Variants in TYMS observed in about 807,000 individuals in gnomAD.
The protein encoded by TYMS is thymidylate synthetase.
Under a neutral mutation model 39.3 loss-of-function variants are expected in TYMS, and 21 were observed. The ratio of observed to expected loss-of-function variants is 0.54; its 90% CI spans 0.38 to 0.77. The LOEUF (loss-of-function observed/expected upper bound fraction) is 0.77, where lower values mean the gene tolerates loss of function less well. Among genes scored for constraint, TYMS ranks in the 30% least tolerant of loss-of-function variants. The probability of loss-of-function intolerance (pLI) is 0.00; values close to 1 mark genes in which losing one functional copy is unlikely to be tolerated. For synonymous variants in TYMS, 171 were observed against 162.2 expected, an observed-to-expected ratio of 1.05 and a Z score of -0.41; for missense variants, 273 against 406.7, an observed-to-expected ratio of 0.67 and a Z score of 2.83.
intron 3 of TYMS, among the ~76,000 whole-genome samples, chr18:663,874 A>G (rs1432296568): frequency 1.8e-5 from 2 of 110,374 alleles, no homozygotes; most frequent in African/African-American, 4.9e-5. Flanking sequence ...CCATTGATCT[A>G]TATGTCTGTT....
chr18:660,243 A>G lies in TYMS; in HGVS notation c.279+529A>G, dbSNP rs2074743282. 6.6e-6 allele frequency among the ~76,000 whole-genome samples: 1 copy of G among 152,068 alleles called. No homozygotes were observed. The highest frequency in any genetic ancestry group is 6.6e-5 in the Admixed American group (1 of 15,266). ...GCTGTTCTTGTGAGTTTTTGAGCAC[A>G]CCGGGACATCCCCACTCCCTGGAAC... On this transcript the variant is annotated intron_variant, in intron 2 of 6. Coordinates refer to ENST00000323274, the MANE Select transcript of TYMS (RefSeq NM_001071.4). The surrounding 1 kb of genome is among the most constrained non-coding windows in gnomAD (Gnocchi z 4.6).
rs1212083746 is a variant in TYMS at position 667,107 on chromosome 18, AGATGGT to A, written c.455-1947_455-1942del. ...GTGATGGTGATGGAGATGGAGATGG[AGATGGT>A]GATGGTGATGGTGATGGAGATGGTG... On this transcript the variant is annotated intron_variant, in intron 3 of 6. Coordinates refer to ENST00000323274, the MANE Select transcript of TYMS (RefSeq NM_001071.4). Among the ~76,000 whole-genome samples the A allele has an allele frequency of 6.5e-3, 244 of 37,364 alleles. 25 individuals are homozygous for A. The highest frequency in any genetic ancestry group is 0.021 in the Middle Eastern group (1 of 48). The allele number at this position is 37,364 out of a possible 152,430, so 24.5% of individuals were successfully genotyped here.
In TYMS at chr18:657,874, C is replaced by A; in HGVS notation, c.132C>A (p.Gly44=). 6.6e-7 allele frequency: 1 copy of A among 1,510,708 alleles called. No individual in the cohort carries two copies. Among genetic ancestry groups the A allele is most frequent in the Non-Finnish European group, 8.8e-7 (1 of 1,136,066 alleles). The allele number at this position is 1,510,708 out of a possible 1,614,324, so 93.6% of individuals were successfully genotyped here. Residue 44 remains glycine (G), a synonymous_variant, in exon 1 of 7, where the codon GGC becomes GGA. Coordinates refer to ENST00000323274, the MANE Select transcript of TYMS (RefSeq NM_001071.4). Reference sequence around the variant, plus strand: ...AGATCCAACACATCCTCCGCTGCGGCGTCAGGAAGGACGACCGCACGGGCA... The same window carrying A: ...AGATCCAACACATCCTCCGCTGCGGAGTCAGGAAGGACGACCGCACGGGCA... The part of the protein sequence containing the change: ...LGQIQHILRC[G]VRKDDRTGTG...
intron 3 of TYMS, among the ~76,000 whole-genome samples, chr18:667,238 GAGA>G (rs1233669702): frequency 2.8e-5 from 1 of 35,180 alleles, no homozygotes. Flanking sequence ...GATGGAGATG[GAGA>G]TGGTGATGGT....
intron 3 of TYMS, among the ~76,000 whole-genome samples, chr18:666,937 GGAGAT>G (rs1235478735): frequency 2.5e-5 from 1 of 40,722 alleles, no homozygotes; most frequent in African/African-American, 7.3e-5. Flanking sequence ...TGATGGTGAT[GGAGAT>G]GGTGATGGTG....
At chr18:671,186 T>C (rs910356509) in intron 5 of TYMS, 194 bp from the exon 6 acceptor site, 4 of 614,130 alleles carry the variant, frequency 6.5e-6, no homozygotes, top group Non-Finnish European at 1.1e-5. Context: ...ACAGGAGCAA[T>C]TGCTTGAGGT....
intron 4 of TYMS, 30 bp downstream of exon 4, chr18:669,203 A>T (rs2074929148): frequency 1.9e-6 from 3 of 1,584,798 alleles, no homozygotes; most frequent in Non-Finnish European, 2.6e-6. Flanking sequence ...CTTCATTTAT[A>T]CTAACCATAC....
rs34502878 is a variant in TYMS, at chr18:666,265, C to T, written c.455-2807C>T. Among the ~76,000 whole-genome samples the T allele has an allele frequency of 0.016, 2,433 of 151,526 alleles. 157 individuals are homozygous for T. In the East Asian group the frequency reaches 0.23, roughly 14 times the overall value. On this transcript the variant is annotated intron_variant, in intron 3 of 6. Transcript: ENST00000323274. Reference sequence around the variant, plus strand: ...TCGTGCTGGGGAATGGGAAGTTCATCGGTGGGACAAGGGACAAAATGCCCC... The same window carrying T: ...TCGTGCTGGGGAATGGGAAGTTCATTGGTGGGACAAGGGACAAAATGCCCC...
chr18:662,089 A>G, intron 2 of TYMS, 57 bp from the exon 3 acceptor site: 2 of 1,532,220 alleles, frequency 1.3e-6, no homozygotes, highest in Non-Finnish European at 1.7e-6. Context: ...GGGGGGATCA[A>G]CTGAGATGGC....
intron 3 of TYMS, 21 bp downstream of exon 3, chr18:662,341 CTTCCAT>C: frequency 6.3e-7 from 1 of 1,578,902 alleles, no homozygotes; most frequent in Non-Finnish European, 8.6e-7. Flanking sequence ...AGAACAATGC[CTTCCAT>C]TTCCCGGGTG....
chr18:672,593 T>A, intron 6 of TYMS: 1 of 282,324 alleles, frequency 3.5e-6, no homozygotes. Flanking sequence ...TTGCCAAGAG[T>A]GGTTATAAGA....
chr18:668,736 G>T (rs1291167048), intron 3 of TYMS, among the ~76,000 whole-genome samples: 1 of 152,214 alleles, frequency 6.6e-6, no homozygotes, highest in African/African-American at 2.4e-5. Context: ...AAGTTTGCGA[G>T]GAGCACTGGA....
At position 662,294 on chromosome 18, in the gene TYMS, G is replaced by A. The variant is rs1329714595; in HGVS notation, c.428G>A (p.Gly143Glu). 1 of 1,613,014 alleles carries A rather than the reference G, an allele frequency of 6.2e-7. No individual in the cohort carries two copies. The highest frequency in any genetic ancestry group is 8.5e-7 in the Non-Finnish European group (1 of 1,179,726). The change falls in exon 3 of 7, where the codon GGG (glycine) becomes GAG (glutamate). Residue 143 changes from glycine to glutamate, a missense_variant. Gly to Glu is a moderately conservative substitution (Grantham distance 98). Coordinates refer to ENST00000323274, the MANE Select transcript of TYMS (RefSeq NM_001071.4). ...PVYGFQWRHF[G>E]AEYRDMESDY... ...TATGGCTTCCAGTGGAGGCATTTTG[G>A]GGCAGAATACAGAGATATGGAATCA...
chr18:672,656 A>G, intron 6 of TYMS: 1 of 428,592 alleles, frequency 2.3e-6, no homozygotes, highest in South Asian at 7.8e-5. Context: ...GTCACAAAAT[A>G]CCCCTCACTC....
chr18:671,010 A>G, intron 5 of TYMS, 143 bp downstream of exon 5: 2 of 1,014,682 alleles, frequency 2.0e-6, no homozygotes, highest in South Asian at 1.7e-5. Flanking sequence ...ACCAGCTTTT[A>G]CTTTGAAACC....
Position 658,645 on chromosome 18 carries a change from G to C in TYMS, c.205+698G>C. On this transcript the variant is annotated intron_variant, in intron 1 of 6. Transcript: ENST00000323274. The surrounding 1 kb of genome is among the most constrained non-coding windows in gnomAD (Gnocchi z 4.5). Reference sequence around the variant, plus strand: ...GGCTTTCAGGGGACAGTGGGGCGGGGCGGGGTGGGCACAGGACGTTAGGCA... The same window carrying C: ...GGCTTTCAGGGGACAGTGGGGCGGGCCGGGGTGGGCACAGGACGTTAGGCA... 1 of 262,340 alleles carries C rather than the reference G, an allele frequency of 3.8e-6. No individual in the cohort carries two copies. Among genetic ancestry groups the C allele is most frequent in the Non-Finnish European group, 7.4e-6 (1 of 134,600 alleles). The allele number at this position is 262,340 out of a possible 1,614,324, so 16.3% of individuals were successfully genotyped here.
intron 3 of TYMS, 34 bp downstream of exon 3, chr18:662,354 G>A (rs2144267185): frequency 6.4e-7 from 1 of 1,566,904 alleles, no homozygotes; most frequent in Non-Finnish European, 8.6e-7. Flanking sequence ...CCATTTCCCG[G>A]GTGCCCTTCC....
chr18:672,669 G>A (rs1010357412), intron 6 of TYMS, 191 bp from the exon 7 acceptor site: 6 of 479,208 alleles, frequency 1.3e-5, no homozygotes, highest in South Asian at 6.2e-5. Flanking sequence ...CCTCACTCTC[G>A]ATCTGTGCAA....
intron 4 of TYMS, among the ~76,000 whole-genome samples, chr18:669,766 T>TAACA (rs1598475629): frequency 6.7e-6 from 1 of 150,228 alleles, no homozygotes; most frequent in African/African-American, 2.4e-5. Context: ...GCCACCTCAC[T>TAACA]AACATTTTTA....
Sources: allele counts gnomAD v4.1 joint callset (sites outside exome capture counted in the v4.1 genomes callset), GRCh38; gene constraint gnomAD v4.1.1; non-coding constraint Gnocchi (gnomAD v3.1); transcripts MANE v1.5; gene names NCBI Gene and HGNC (gene_info 2026-07-23, HGNC 2026-07-21).